The following TEX15 variants were observed in gnomAD, a reference collection of about 807,000 sequenced individuals.
TEX15 encodes testis expressed 15, meiosis and synapsis associated, also known as testis-expressed protein 15.
In TEX15, 171 loss-of-function variants were observed where a neutral mutation model predicts 237.3. The ratio of observed to expected loss-of-function variants is 0.72; its 90% CI spans 0.64 to 0.82. TEX15 has a LOEUF of 0.82. Among genes scored for constraint, TEX15 ranks in the 40% least tolerant of loss-of-function variants. The pLI, the probability that TEX15 is intolerant of heterozygous loss-of-function variation, is 0.00. For missense variants in TEX15, 3,750 were observed against 3,646.5 expected (o/e 1.03, Z -0.73); for synonymous variants, 1,338 against 1,269.8 (o/e 1.05, Z -1.14).
At chr8:30,853,620 G>A (rs935665305) in intron 7 of TEX15, among the ~76,000 whole-genome samples, 2 of 152,146 alleles carry the variant, frequency 1.3e-5, no homozygotes, top group Non-Finnish European at 2.9e-5. Flanking sequence ...TATTGACCCA[G>A]TCTGTGTAAG....
At chr8:30,900,861 G>A (rs1762327950) in intron 1 of TEX15, among the ~76,000 whole-genome samples, 1 of 152,218 alleles carries the variant, frequency 6.6e-6, no homozygotes, top group South Asian at 2.1e-4. Context: ...GATATTCCAT[G>A]AAAAGAAAAA....
Position 30,843,161 on chromosome 8 carries a change from T to C in TEX15, c.7006A>G (p.Thr2336Ala), listed in dbSNP as rs151214027. Residue 2336 changes from threonine (T) to alanine (A), a missense_variant, in exon 8 of 11, where the codon ACT becomes GCT. Coordinates refer to ENST00000643185, the MANE Select transcript of TEX15 (RefSeq NM_001350162.2). ...TCTGACTTTCTGGAAGCAATTATAGTATCCTCCTCAAGCCCAATAGGGGAA... is the reference window on the plus strand; with the variant it reads ...TCTGACTTTCTGGAAGCAATTATAGCATCCTCCTCAAGCCCAATAGGGGAA... ...PISPIGLEED[T>A]IIASRKSDHP... 29 of 1,613,304 alleles carry C rather than the reference T, an allele frequency of 1.8e-5. No homozygotes were observed. In the African/African-American group the frequency reaches 2.9e-4, roughly 16 times the overall value.
chr8:30,845,789 C>G lies in TEX15; in HGVS notation c.4378G>C (p.Ala1460Pro). 1.2e-6 allele frequency: 2 copies of G among 1,610,446 alleles called. No individual in the cohort carries two copies. The highest frequency in any genetic ancestry group is 1.7e-6 in the Non-Finnish European group (2 of 1,178,938). The change falls in exon 8 of 11, where the codon GCT becomes CCT. Residue 1460 changes from alanine to proline, a missense_variant. Transcript: ENST00000643185. ...RKYDKRRKKRAPKADISKSLT... is the reference protein window; with the variant it reads ...RKYDKRRKKRPPKADISKSLT... ...GATTTAGAAATATCAGCTTTTGGAG[C>G]TCTTTTCTTTCTCCGTTTGTCATAT...
At chr8:30,833,406 T>G in intron 10 of TEX15, 83 bp from the exon 11 acceptor site, 3 of 1,058,628 alleles carry the variant, frequency 2.8e-6, no homozygotes, top group Non-Finnish European at 4.1e-6. Context: ...AACCTGAGTT[T>G]AAATTACAGC....
intron 7 of TEX15, among the ~76,000 whole-genome samples, chr8:30,852,474 T>G (rs1424316745): frequency 6.6e-6 from 1 of 152,200 alleles, no homozygotes; most frequent in African/African-American, 2.4e-5. Context: ...ATCACACAGT[T>G]TATTAACAGT....
chr8:30,845,566 T>A lies in TEX15; in HGVS notation c.4601A>T (p.Tyr1534Phe). 6.2e-7 allele frequency: 1 copy of A among 1,613,698 alleles called. No individual in the cohort carries two copies. The highest frequency in any genetic ancestry group is 8.5e-7 in the Non-Finnish European group (1 of 1,179,644). ...TSQSTSQSVYYNSSVSNPSLS... is the reference protein window; with the variant it reads ...TSQSTSQSVYFNSSVSNPSLS... ...ACTTGGATTGCTTACACTGCTATTA[T>A]AATAAACTGACTGACTTGTACTTTG... Residue 1534 changes from tyrosine (Y) to phenylalanine (F), a missense_variant, in exon 8 of 11, where the codon TAT becomes TTT. Tyr to Phe is a conservative substitution (Grantham distance 22). Transcript: ENST00000643185.
At position 30,847,190 on chromosome 8, in the gene TEX15, G is replaced by A. The variant is rs751632620; in HGVS notation, c.2977C>T (p.Pro993Ser). ...AAIQIASATM[P>S]ALSLNNDDHQ... ...TCGTCATTATTTAGGCTTAATGCAG[G>A]CATAGTAGCACTAGCTATCTGTATT... The change falls in exon 8 of 11, where the codon CCT becomes TCT. Residue 993 changes from proline to serine, a missense_variant. Pro to Ser is a moderately conservative substitution (Grantham distance 74). Coordinates refer to ENST00000643185, the MANE Select transcript of TEX15 (RefSeq NM_001350162.2). 6 of 1,613,920 alleles carry A rather than the reference G, an allele frequency of 3.7e-6. No individual in the cohort carries two copies. Among genetic ancestry groups the A allele is most frequent in the Non-Finnish European group, 5.1e-6 (6 of 1,179,856 alleles).
chr8:30,848,863 C>G lies in TEX15; in HGVS notation c.1304G>C (p.Arg435Thr). The change falls in exon 8 of 11, where the codon AGA becomes ACA. Residue 435 changes from arginine to threonine, a missense_variant. Coordinates refer to ENST00000643185, the MANE Select transcript of TEX15 (RefSeq NM_001350162.2). Reference protein sequence around the residue: ...VTTSKSIKDPRLMRREESMGE... With the variant: ...VTTSKSIKDPTLMRREESMGE... ...CATACTTTCTTCTCTCCTCATCAGT[C>G]TTGGGTCTTTGATGGATTTTGAAGT... 6.2e-7 allele frequency: 1 copy of G among 1,614,124 alleles called. No homozygotes were observed. The highest frequency in any genetic ancestry group is 8.5e-7 in the Non-Finnish European group (1 of 1,180,024).
At chr8:30,838,818 AT>A (rs1807378119) in intron 9 of TEX15, among the ~76,000 whole-genome samples, 5 of 59,988 alleles carry the variant, frequency 8.3e-5, no homozygotes, top group Admixed American at 4.0e-4. Flanking sequence ...ATATATATAT[AT>A]ATGAATTTTT....
intron 1 of TEX15, among the ~76,000 whole-genome samples, chr8:30,909,886 C>T (rs1477306665): frequency 6.6e-6 from 1 of 152,108 alleles, no homozygotes. Context: ...GAAAACTAAT[C>T]CCAACTGTGC....
chr8:30,881,545 TTTAA>T (rs1471060996), intron 3 of TEX15, among the ~76,000 whole-genome samples: 2 of 151,990 alleles, frequency 1.3e-5, no homozygotes, highest in African/African-American at 4.8e-5. Flanking sequence ...GGTTTGTCAA[TTTAA>T]TTGATCTTTC....
intron 1 of TEX15, among the ~76,000 whole-genome samples, chr8:30,903,880 G>A (rs532568101): frequency 2.0e-5 from 3 of 152,308 alleles, no homozygotes; most frequent in South Asian, 2.1e-4. Context: ...TATGGAAGAT[G>A]ACTGTGCTAA....
At chr8:30,910,599 C>T (rs1199339839) in intron 1 of TEX15, among the ~76,000 whole-genome samples, 1 of 149,770 alleles carries the variant, frequency 6.7e-6, no homozygotes, top group Non-Finnish European at 1.5e-5. Context: ...GCTTGCACCA[C>T]CACGCCTGGC....
At chr8:30,850,068 C>T (rs1276568789) in intron 7 of TEX15, among the ~76,000 whole-genome samples, 1 of 151,806 alleles carries the variant, frequency 6.6e-6, no homozygotes, top group Admixed American at 6.6e-5. Flanking sequence ...CCTTGCTTCT[C>T]CCTCTACCAT....
rs776844127 is a variant in TEX15, at chr8:30,837,178, C to A, written c.9106G>T (p.Gly3036Ter). The A allele has an allele frequency of 5.6e-6, 9 of 1,614,066 alleles. No homozygotes were observed. Among genetic ancestry groups the A allele is most frequent in the Non-Finnish European group, 7.6e-6 (9 of 1,180,006 alleles). Residue 3036 changes from glycine (G) to a stop codon, truncating the protein, a stop_gained, in exon 10 of 11, where the codon GGA becomes TGA. Coordinates refer to ENST00000643185, the MANE Select transcript of TEX15 (RefSeq NM_001350162.2). LOFTEE classifies it high-confidence loss of function. ...PTYNSSEHLF[G>*]TSYPYSAWCV... Reference sequence around the variant, plus strand: ...CAAGCAGAGTATGGATATGAAGTTCCAAATAAATGCTCAGAAGAATTATAT... The same window carrying A: ...CAAGCAGAGTATGGATATGAAGTTCAAAATAAATGCTCAGAAGAATTATAT...
chr8:30,834,749 T>C (rs1408102018), intron 10 of TEX15, among the ~76,000 whole-genome samples: 1 of 152,166 alleles, frequency 6.6e-6, no homozygotes, highest in Non-Finnish European at 1.5e-5. Flanking sequence ...CATAGAGGAC[T>C]GTGAAGGGCT....
rs953426858 is a variant in TEX15 at position 30,891,947 on chromosome 8, T to TC, written c.-9-4637dup. ...GCTAATTATATTTATTGCAAGTAAT[T>TC]CCCCCCACTTTTAAAAATTGTATTT... On this transcript the variant is annotated intron_variant, in intron 2 of 10. Transcript: ENST00000643185. Among the ~76,000 whole-genome samples the TC allele has an allele frequency of 1.3e-5, 2 of 152,186 alleles. 1 individual carries two copies. Among genetic ancestry groups the TC allele is most frequent in the Admixed American group, 1.3e-4 (2 of 15,272 alleles).
chr8:30,899,805 G>A (rs1808974938), intron 1 of TEX15, among the ~76,000 whole-genome samples: 1 of 152,126 alleles, frequency 6.6e-6, no homozygotes, highest in Non-Finnish European at 1.5e-5. Context: ...GCACCATGGA[G>A]ACAACAGAAA....
chr8:30,854,867 C>G (rs1291522871), intron 7 of TEX15, among the ~76,000 whole-genome samples: 6 of 151,832 alleles, frequency 4.0e-5, no homozygotes, highest in Non-Finnish European at 8.8e-5. Context: ...TCGATAAAAA[C>G]AACAACAAAA....
Sources: allele counts gnomAD v4.1 joint callset (sites outside exome capture counted in the v4.1 genomes callset), GRCh38; gene constraint gnomAD v4.1.1; transcripts MANE v1.5; gene names NCBI Gene and HGNC (gene_info 2026-07-23, HGNC 2026-07-21).